The following EIF3L variants were observed in gnomAD, a reference collection of about 807,000 sequenced individuals.
The protein encoded by EIF3L is eukaryotic translation initiation factor 3 subunit L, also known as eIEF associated protein HSPC021.
EIF3L carries 32 observed loss-of-function variants against 74.6 expected under a neutral mutation model. The observed-to-expected ratio is 0.43, with a 90% CI of 0.32 to 0.58. The LOEUF (loss-of-function observed/expected upper bound fraction) is 0.58. EIF3L is among the 20% of genes least tolerant of loss of function. The pLI is 0.06. For synonymous variants in EIF3L, 256 were observed against 254.4 expected (o/e 1.01, Z -0.06); for missense variants, 474 against 707.8 (o/e 0.67, Z 3.75).
chr22:37,869,728 G>A (rs972551582), intron 7 of EIF3L, among the ~76,000 whole-genome samples: 1 of 152,114 alleles, frequency 6.6e-6, no homozygotes, highest in Admixed American at 6.6e-5. Flanking sequence ...GCTGTGGTAG[G>A]GAAGGCTCAC....
At position 37,870,198 on chromosome 22, in the gene EIF3L, G is replaced by T; in HGVS notation, c.602G>T (p.Arg201Leu). The T allele has an allele frequency of 6.2e-7, 1 of 1,611,282 alleles. No homozygotes were observed. Among genetic ancestry groups the T allele is most frequent in the Non-Finnish European group, 8.5e-7 (1 of 1,178,562 alleles). Residue 201 changes from arginine (R) to leucine (L), a missense_variant, in exon 8 of 13, where the codon CGC (arginine) becomes CTC (leucine). This residue lies in a region of EIF3L where 293 missense variants were observed against 469.1 expected (regional missense o/e 0.62). Coordinates refer to ENST00000652021, the MANE Select transcript of EIF3L (RefSeq NM_016091.4). ...CAGTTTCAGTCATTCAGTCAGTACC[G>T]CTGTAAGACTGCCAAGAAGTCAGAG... ...IYQFQSFSQYRCKTAKKSEEE... is the reference protein window; with the variant it reads ...IYQFQSFSQYLCKTAKKSEEE...
chr22:37,878,625 A>G (rs117648021), intron 11 of EIF3L: 3,814 of 154,730 alleles, frequency 0.025, 81 homozygotes, highest in South Asian at 0.036. Flanking sequence ...TACCATGCCC[A>G]GCTAATTTTG....
rs71195065 is a variant in EIF3L at position 37,868,634 on chromosome 22, C to CTTTTTTTTTTT, written c.580-1527_580-1517dup. On this transcript the variant is annotated intron_variant, in intron 7 of 12. Transcript: ENST00000652021. ...ACACCTGGCTATTTTTGTTTTGGTG[C>CTTTTTTTTTTT]TTTTTTTTTTTTTTTTTTTTTTTTT... Among the ~76,000 whole-genome samples, 15 of 25,130 alleles carry CTTTTTTTTTTT rather than the reference C, an allele frequency of 6.0e-4. 4 individuals are homozygous for CTTTTTTTTTTT. Among genetic ancestry groups the CTTTTTTTTTTT allele is most frequent in the East Asian group, 4.6e-3 (2 of 434 alleles). 16.5% of individuals were successfully genotyped at this position (25,130 alleles called of 152,430 possible).
chr22:37,862,333 A>G (rs1001073496), intron 5 of EIF3L, among the ~76,000 whole-genome samples: 2 of 152,206 alleles, frequency 1.3e-5, no homozygotes, highest in Admixed American at 1.3e-4. Context: ...TGCAAGCAAC[A>G]TAAAGACCAG....
chr22:37,863,446 C>G (rs1460569100), intron 7 of EIF3L, 101 bp downstream of exon 7: 3 of 977,324 alleles, frequency 3.1e-6, no homozygotes, highest in Non-Finnish European at 4.7e-6. Flanking sequence ...AAAAATATCC[C>G]CATTGTAGTG....
At chr22:37,853,426 TTTC>T (rs1227431040) in intron 3 of EIF3L, among the ~76,000 whole-genome samples, 1 of 152,180 alleles carries the variant, frequency 6.6e-6, no homozygotes. Flanking sequence ...TGAACTGTGT[TTTC>T]TTTATTCCCC....
chr22:37,870,137 C>T, intron 7 of EIF3L, 39 bp from the exon 8 acceptor site: 1 of 1,544,990 alleles, frequency 6.5e-7, no homozygotes, highest in Non-Finnish European at 8.8e-7. Flanking sequence ...TCACTTTGGG[C>T]TTATACCACT....
rs1925213451 is a variant in EIF3L at position 37,851,396 on chromosome 22, A to G, written c.199A>G (p.Ile67Val). 3 of 1,613,946 alleles carry G rather than the reference A, an allele frequency of 1.9e-6. No homozygotes were observed. The highest frequency in any genetic ancestry group is 2.5e-6 in the Non-Finnish European group (3 of 1,179,990). ...TTTCCACAAAACTGTCTCAGATTTGATTGACCAGAAAGTGTATGAGCTACA... is the reference window on the plus strand; with the variant it reads ...TTTCCACAAAACTGTCTCAGATTTGGTTGACCAGAAAGTGTATGAGCTACA... ...QYFHKTVSDLIDQKVYELQAS... is the reference protein window; with the variant it reads ...QYFHKTVSDLVDQKVYELQAS... Residue 67 changes from isoleucine to valine, a missense_variant, in exon 3 of 13, where the codon ATT (isoleucine) becomes GTT (valine). Ile to Val is a conservative substitution (Grantham distance 29). Coordinates refer to ENST00000652021, the MANE Select transcript of EIF3L (RefSeq NM_016091.4).
chr22:37,859,377 T>TTTTTTTTTTG, intron 5 of EIF3L, among the ~76,000 whole-genome samples: 1 of 67,280 alleles, frequency 1.5e-5, no homozygotes, highest in Non-Finnish European at 3.2e-5. Context: ...GAAGTTTCTT[T>TTTTTTTTTTG]TTTTTTTTTT....
intron 12 of EIF3L, chr22:37,887,892 T>G (rs1927403627): frequency 6.6e-6 from 1 of 152,494 alleles, no homozygotes; most frequent in Non-Finnish European, 1.5e-5. Context: ...CTAGGAGAGG[T>G]CTTGTGGGTC....
chr22:37,877,633 C>G (rs568305722), intron 10 of EIF3L, 41 bp from the exon 11 acceptor site: 2 of 1,542,034 alleles, frequency 1.3e-6, no homozygotes, highest in Non-Finnish European at 1.7e-6. Flanking sequence ...TCAGGAAGTC[C>G]GTCTCATTTG....
chr22:37,865,114 T>A (rs1926078649), intron 7 of EIF3L, among the ~76,000 whole-genome samples: 1 of 152,128 alleles, frequency 6.6e-6, no homozygotes, highest in Non-Finnish European at 1.5e-5. Context: ...CCCAGCATTT[T>A]TGGGGTCCAA....
At chr22:37,871,574 G>A (rs1926470451) in intron 8 of EIF3L, among the ~76,000 whole-genome samples, 1 of 152,176 alleles carries the variant, frequency 6.6e-6, no homozygotes, top group South Asian at 2.1e-4. Context: ...CTATCCTTAA[G>A]ATACTCATTA....
At chr22:37,880,698 T>G (rs1927004973) in intron 11 of EIF3L, 1 of 152,252 alleles carries the variant, frequency 6.6e-6, no homozygotes, top group Non-Finnish European at 1.5e-5. Flanking sequence ...CTCACTTTGT[T>G]GCCCAGGCTA....
chr22:37,864,728 G>A (rs1926052659), intron 7 of EIF3L, among the ~76,000 whole-genome samples: 1 of 152,112 alleles, frequency 6.6e-6, no homozygotes, highest in Non-Finnish European at 1.5e-5. Context: ...TAGTAGAGAC[G>A]GGGTTTCTCC....
At chr22:37,883,856 G>T (rs1927186067) in intron 11 of EIF3L, 1 of 152,206 alleles carries the variant, frequency 6.6e-6, no homozygotes, top group Non-Finnish European at 1.5e-5. Flanking sequence ...GGAGGTTGCA[G>T]TGAGCCAAGA....
rs777463692 is a variant in EIF3L at position 37,851,240 on chromosome 22, G to A, written c.83-40G>A. 36 of 1,578,360 alleles carry A rather than the reference G, an allele frequency of 2.3e-5. 1 individual carries two copies. The South Asian group carries it at 3.9e-4, about 17-fold the overall frequency. On this transcript the variant is annotated intron_variant, in intron 2 of 12. Transcript: ENST00000652021. Reference sequence around the variant, plus strand: ...GCCATTTCGTTCTATCATATATGTGGGTTTGAGCATACTCTGTATTTGTTG... The same window carrying A: ...GCCATTTCGTTCTATCATATATGTGAGTTTGAGCATACTCTGTATTTGTTG...
intron 7 of EIF3L, 75 bp downstream of exon 7, chr22:37,863,420 A>G: frequency 7.9e-7 from 1 of 1,269,690 alleles, no homozygotes; most frequent in Non-Finnish European, 1.1e-6. Context: ...GTTTGTGTAA[A>G]AAAGCTGCAG....
At chr22:37,888,192 G>C (rs1165221086) in intron 12 of EIF3L, 1 of 487,426 alleles carries the variant, frequency 2.1e-6, no homozygotes, top group Non-Finnish European at 3.6e-6. Context: ...GGATAGAGCA[G>C]TGTTGTGTAT....
Sources: allele counts gnomAD v4.1 joint callset (sites outside exome capture counted in the v4.1 genomes callset), GRCh38; gene constraint gnomAD v4.1.1; regional missense constraint gnomAD v4.1.1; transcripts MANE v1.5; gene names NCBI Gene and HGNC (gene_info 2026-07-23, HGNC 2026-07-21).